Variants in C12orf76 observed in about 807,000 individuals in gnomAD.
C12orf76 encodes the protein chromosome 12 open reading frame 76.
Under a neutral mutation model 6.8 loss-of-function variants are expected in C12orf76, and 6 were observed. That is an observed-to-expected ratio of 0.88 (90% CI 0.48 to 1.73). The LOEUF (loss-of-function observed/expected upper bound fraction) is 1.73. Among genes scored for constraint, C12orf76 ranks in the 40% most tolerant of loss-of-function variants. The probability of loss-of-function intolerance (pLI) is 0.01; values close to 1 mark genes in which losing one functional copy is unlikely to be tolerated. For synonymous variants in C12orf76, 56 were observed against 43.7 expected (o/e 1.28, Z -1.11); for missense variants, 99 against 98.2 (o/e 1.01, Z -0.03).
exon 1 of C12orf76, chr12:110,067,559 T>C: frequency 1.0e-6 from 1 of 985,566 alleles, no homozygotes; most frequent in Non-Finnish European, 1.2e-6. Context: ...CCACTGGATG[T>C]GGTTCAGTAG....
chr12:110,066,612 C>T (rs750314396), intron 1 of C12orf76, among the ~76,000 whole-genome samples: 6 of 151,854 alleles, frequency 4.0e-5, no homozygotes, highest in Non-Finnish European at 7.4e-5. Context: ...CGCTTGAACC[C>T]GGGAGGCGGA....
chr12:110,063,237 GC>G (rs1892803461), intron 2 of C12orf76, among the ~76,000 whole-genome samples: 1 of 151,826 alleles, frequency 6.6e-6, no homozygotes, highest in African/African-American at 2.4e-5. Context: ...ACCACACCCA[GC>G]CCCCCTTTTT....
rs1026142276 is a variant in C12orf76, at chr12:110,066,169, C to G, written n.207-136G>C. 2.3e-5 allele frequency: 28 copies of G among 1,233,440 alleles called. No homozygotes were observed. In the East Asian group the frequency reaches 7.7e-4, roughly 34 times the overall value. The allele number at this position is 1,233,440 out of a possible 1,614,324, so 76.4% of individuals were successfully genotyped here. ...GGCGGATCACTTGAGGCCAGGAGTT[C>G]AAGACCAGCCTGGCCAACATGGCGA... On this transcript the variant is annotated intron_variant and non_coding_transcript_variant, in intron 1 of 4. Coordinates refer to the C12orf76 transcript ENST00000309050.
At chr12:110,063,716 C>T (rs1331389627) in intron 2 of C12orf76, among the ~76,000 whole-genome samples, 2 of 151,494 alleles carry the variant, frequency 1.3e-5, no homozygotes, top group Non-Finnish European at 2.9e-5. Flanking sequence ...CAATGCCCGC[C>T]TCCCAGGTTC....
Position 110,041,553 on chromosome 12 carries a change from T to C in C12orf76, c.*821A>G, listed in dbSNP as rs1046735438. On this transcript the variant is annotated 3_prime_UTR_variant, in exon 2 of 2. Coordinates refer to ENST00000615315, the MANE Select transcript of C12orf76 (RefSeq NM_001389625.1). ...CCCGCACAGTGGACATGCACTTCTG[T>C]TGGCTGGGCCCTCCCCACCCAGGGA... 3 of 152,284 alleles carry C rather than the reference T, an allele frequency of 2.0e-5. No homozygotes were observed. Among genetic ancestry groups the C allele is most frequent in the African/African-American group, 7.2e-5 (3 of 41,464 alleles). The allele number at this position is 152,284 out of a possible 1,614,324, so 9.4% of individuals were successfully genotyped here.
Position 110,042,159 on chromosome 12 carries a change from TGAGAAGCG to T in C12orf76, c.*207_*214del, listed in dbSNP as rs1422049507. On this transcript the variant is annotated 3_prime_UTR_variant, in exon 2 of 2. Transcript: ENST00000615315. ...TTTTAACAAGTACAGTCAGAAACAC[TGAGAAGCG>T]GACTCAGGGGCCAATTATTTGCGCT... 23 of 578,552 alleles carry T rather than the reference TGAGAAGCG, an allele frequency of 4.0e-5. No individual in the cohort carries two copies. The highest frequency in any genetic ancestry group is 3.9e-4 in the African/African-American group (21 of 53,686). 35.8% of individuals were successfully genotyped at this position (578,552 alleles called of 1,614,324 possible).
chr12:110,048,661 G>T, upstream of C12orf76: 1 of 1,272,438 alleles, frequency 7.9e-7, no homozygotes, highest in South Asian at 2.8e-5. Flanking sequence ...ATTTGTTCCG[G>T]ATTAACGTTC....
chr12:110,064,653 G>GC (rs1892828367), intron 2 of C12orf76, among the ~76,000 whole-genome samples: 1 of 152,138 alleles, frequency 6.6e-6, no homozygotes, highest in African/African-American at 2.4e-5. Context: ...CTTTCTCAGT[G>GC]CCCCCCAGAT....
chr12:110,060,669 ACTT>A (rs1489559981), intron 2 of C12orf76, among the ~76,000 whole-genome samples: 2 of 151,548 alleles, frequency 1.3e-5, no homozygotes, highest in African/African-American at 2.4e-5. Context: ...TTTCTCATCT[ACTT>A]CTTCTCTTGC....
chr12:110,047,068 T>C (rs1200134525), intron 1 of C12orf76, among the ~76,000 whole-genome samples: 1 of 152,122 alleles, frequency 6.6e-6, no homozygotes, highest in Non-Finnish European at 1.5e-5. Context: ...ACTGAGTTCA[T>C]GTAGAGTCAA....
intron 2 of C12orf76, among the ~76,000 whole-genome samples, chr12:110,064,829 G>T (rs1317016008): frequency 6.6e-6 from 1 of 152,108 alleles, no homozygotes; most frequent in East Asian, 1.9e-4. Flanking sequence ...GGGCTGAGAG[G>T]CTCCAGTGCA....
At chr12:110,062,622 G>GT (rs1299942330) in intron 2 of C12orf76, among the ~76,000 whole-genome samples, 5 of 142,510 alleles carry the variant, frequency 3.5e-5, no homozygotes, top group Non-Finnish European at 6.2e-5. Context: ...GAAAAAAAGA[G>GT]ATTTTTTTTT....
exon 2 of C12orf76, chr12:110,066,014 C>T (rs918978980): frequency 6.3e-7 from 1 of 1,598,770 alleles, no homozygotes; most frequent in Non-Finnish European, 8.5e-7. Flanking sequence ...TCTGACCTCC[C>T]CCTCAAGCTC....
chr12:110,045,816 G>A (rs1302299681), intron 1 of C12orf76: 10 of 155,694 alleles, frequency 6.4e-5, no homozygotes, highest in South Asian at 1.7e-4. Flanking sequence ...AACATTAGCC[G>A]GGCACGGTGG....
chr12:110,064,830 C>T (rs1391124844), intron 2 of C12orf76, among the ~76,000 whole-genome samples: 2 of 152,148 alleles, frequency 1.3e-5, no homozygotes, highest in Non-Finnish European at 2.9e-5. Context: ...GGCTGAGAGG[C>T]TCCAGTGCAG....
At chr12:110,042,930 C>G (rs922587055) in intron 1 of C12orf76, among the ~76,000 whole-genome samples, 8 of 151,880 alleles carry the variant, frequency 5.3e-5, no homozygotes, top group African/African-American at 1.9e-4. Context: ...TGGTGGCATC[C>G]GCCAGCTACT....
At chr12:110,060,287 T>C (rs1892747799) in intron 2 of C12orf76, among the ~76,000 whole-genome samples, 1 of 152,176 alleles carries the variant, frequency 6.6e-6, no homozygotes, top group East Asian at 1.9e-4. Flanking sequence ...CTCTTCTTCA[T>C]AGCCAAGTCC....
At chr12:110,053,242 T>C (rs1892614099), upstream of C12orf76, among the ~76,000 whole-genome samples, 1 of 151,078 alleles carries the variant, frequency 6.6e-6, no homozygotes, top group African/African-American at 2.4e-5. Context: ...CTCACGCCTG[T>C]AATCCCAGCA....
intron 2 of C12orf76, among the ~76,000 whole-genome samples, chr12:110,059,931 G>A (rs1892741140): frequency 6.6e-6 from 1 of 152,198 alleles, no homozygotes; most frequent in African/African-American, 2.4e-5. Context: ...GGCAGTCCCA[G>A]AGCAGAACAA....
Sources: gnomAD v4.1 joint callset for allele counts (sites outside exome capture counted in the v4.1 genomes callset) on GRCh38, gnomAD v4.1.1 for gene constraint, MANE v1.5 for transcripts, NCBI Gene and HGNC (gene_info 2026-07-23, HGNC 2026-07-21) for gene names.